Variants in SCN3A observed in about 807,000 individuals in gnomAD.
The protein encoded by SCN3A is sodium channel protein type 3 subunit alpha.
Under a neutral mutation model 187.6 loss-of-function variants are expected in SCN3A, and 60 were observed. The observed-to-expected ratio is 0.32, with a 90% confidence interval of 0.26 to 0.40. The LOEUF (loss-of-function observed/expected upper bound fraction) is 0.40, where lower values mean the gene tolerates loss of function less well. Among genes scored for constraint, SCN3A ranks in the 10% least tolerant of loss-of-function variants. The pLI is 1.00. For missense variants in SCN3A, 1,601 were observed against 2,428.2 expected (o/e 0.66, Z 7.16); for synonymous variants, 788 against 829.2 (o/e 0.95, Z 0.85).
At chr2:165,114,472 C>T (rs1398400297) in intron 19 of SCN3A, among the ~76,000 whole-genome samples, 1 of 152,212 alleles carries the variant, frequency 6.6e-6, no homozygotes, top group Non-Finnish European at 1.5e-5. Context: ...ACCTATGACT[C>T]AGCTCGTCAG....
Position 165,089,025 on chromosome 2 carries a change from T to C in SCN3A, c.*1125A>G, listed in dbSNP as rs1014919078. 2.0e-5 allele frequency: 3 copies of C among 152,538 alleles called. No homozygotes were observed. Among genetic ancestry groups the C allele is most frequent in the Non-Finnish European group, 2.9e-5 (2 of 67,984 alleles). 9.4% of individuals were successfully genotyped at this position (152,538 alleles called of 1,614,324 possible). ...TTCTTTAACCAAGACTTGTGAAGAATGGATTGAGTAAAATAGAGCAGCATA... is the reference window on the plus strand; with the variant it reads ...TTCTTTAACCAAGACTTGTGAAGAACGGATTGAGTAAAATAGAGCAGCATA... On this transcript the variant is annotated 3_prime_UTR_variant, in exon 28 of 28. Transcript: ENST00000283254.
Position 165,140,566 on chromosome 2 carries a change from A to G in SCN3A, c.2019+85T>C. 8.8e-7 allele frequency: 1 copy of G among 1,134,288 alleles called. No homozygotes were observed. Among genetic ancestry groups the G allele is most frequent in the East Asian group, 2.4e-5 (1 of 42,268 alleles). The allele number at this position is 1,134,288 out of a possible 1,614,324, so 70.3% of individuals were successfully genotyped here. On this transcript the variant is annotated intron_variant, in intron 13 of 27. Transcript: ENST00000283254. This position sits in a 1 kb window ranked among gnomAD's most constrained non-coding sequence, Gnocchi z 4.2. ...CCAACTTTCATTTTGAGGAAGCAGGACGGTATGACAGCCTAAACTGTCCAG... is the reference window on the plus strand; with the variant it reads ...CCAACTTTCATTTTGAGGAAGCAGGGCGGTATGACAGCCTAAACTGTCCAG...
At chr2:165,091,532 A>G (rs1427633047) in intron 27 of SCN3A, among the ~76,000 whole-genome samples, 187 bp from the exon 28 acceptor site, 1 of 152,220 alleles carries the variant, frequency 6.6e-6, no homozygotes, top group Non-Finnish European at 1.5e-5. Flanking sequence ...CTGTAATGTC[A>G]TAAACCAATA....
At chr2:165,093,308 A>G (rs1397115996) in intron 26 of SCN3A, 3 of 151,952 alleles carry the variant, frequency 2.0e-5, no homozygotes, top group Non-Finnish European at 2.9e-5. Flanking sequence ...ATTGAATTCT[A>G]CCTCTCTAGC....
In SCN3A at chr2:165,097,278, C is replaced by T. The variant is rs768382383; in HGVS notation, c.4213G>A (p.Ala1405Thr). 25 of 1,613,876 alleles carry T rather than the reference C, an allele frequency of 1.5e-5. No individual in the cohort carries two copies. The highest frequency in any genetic ancestry group is 4.5e-5 in the East Asian group (2 of 44,878). Residue 1405 changes from alanine (A) to threonine (T), a missense_variant, in exon 23 of 28, where the codon GCT (alanine) becomes ACT (threonine). Transcript: ENST00000283254. ...NVKVNFDNVG[A>T]GYLALLQVAT... ...ACTTGAAGCAGTGCAAGATAGCCAG[C>T]GCCAACATTATCAAAGTTTACTTTC...
At position 165,097,662 on chromosome 2, in the gene SCN3A, T is replaced by C. The variant is rs796773564; in HGVS notation, c.3967-138A>G. 16 of 1,103,972 alleles carry C rather than the reference T, an allele frequency of 1.4e-5. No homozygotes were observed. In the African/African-American group the frequency reaches 2.2e-4, roughly 15 times the overall value. The allele number at this position is 1,103,972 out of a possible 1,614,324, so 68.4% of individuals were successfully genotyped here. A position where few individuals can be genotyped will look rare whatever the true frequency, so the allele number is the denominator to read the frequency against. ...AGGTGGACAAGTTGTTTCTTCTAAT[T>C]TTTCTAGCACATATTTGAAGGAAAA... On this transcript the variant is annotated intron_variant, in intron 22 of 27. Coordinates refer to ENST00000283254, the MANE Select transcript of SCN3A (RefSeq NM_006922.4).
At chr2:165,122,666 C>T (rs1204265203) in intron 18 of SCN3A, 1 of 152,222 alleles carries the variant, frequency 6.6e-6, no homozygotes, top group Non-Finnish European at 1.5e-5. Flanking sequence ...CCTGACCATG[C>T]TGTGATGTGT....
Position 165,090,925 on chromosome 2 carries a change from T to A in SCN3A, c.5228A>T (p.Asn1743Ile). The change falls in exon 28 of 28, where the codon AAC becomes ATC. Residue 1743 changes from asparagine to isoleucine, a missense_variant. Asn to Ile is a moderately radical substitution (Grantham distance 149). Coordinates refer to ENST00000283254, the MANE Select transcript of SCN3A (RefSeq NM_006922.4). The surrounding 1 kb of genome is among the most constrained non-coding windows in gnomAD (Gnocchi z 4.0). The part of the protein sequence containing the change: ...PGSSVKGDCG[N>I]PSVGIFFFVS... ...AAAAAAGAAAATCCCAACAGATGGG[T>A]TCCCACAGTCTCCCTTAACTGAGCT... The A allele has an allele frequency of 6.2e-7, 1 of 1,613,906 alleles. No homozygotes were observed.
rs1265581458 is a variant in SCN3A, at chr2:165,184,800, T to C, written c.-51+1751A>G. On this transcript the variant is annotated intron_variant, in intron 2 of 27. Transcript: ENST00000283254. ...TGATAAATTAAAAACCTAGGCTAGC[T>C]TCTTCTATGTCAGGTACCTCTTGCT... 2.0e-5 allele frequency among the ~76,000 whole-genome samples: 3 copies of C among 152,212 alleles called. No individual in the cohort carries two copies. The East Asian group carries it at 5.8e-4, about 29-fold the overall frequency.
chr2:165,153,028 G>A lies in SCN3A; in HGVS notation c.1380+1424C>T, dbSNP rs551259608. On this transcript the variant is annotated intron_variant, in intron 11 of 27. Coordinates refer to ENST00000283254, the MANE Select transcript of SCN3A (RefSeq NM_006922.4). ...AAAAAAAAAAAGAACAAAAAGTTGG[G>A]GACCTGCACTATGTTATTTCAAGAC... Among the ~76,000 whole-genome samples, 5 of 150,750 alleles carry A rather than the reference G, an allele frequency of 3.3e-5. No homozygotes were observed. The East Asian group carries it at 7.8e-4, about 23-fold the overall frequency.
intron 18 of SCN3A, among the ~76,000 whole-genome samples, chr2:165,116,974 ATT>A (rs1202255385): frequency 8.5e-6 from 1 of 117,126 alleles, no homozygotes; most frequent in Non-Finnish European, 1.7e-5. Flanking sequence ...TTTACCATTA[ATT>A]TCCTCTACAT....
intron 1 of SCN3A, among the ~76,000 whole-genome samples, chr2:165,188,752 C>T (rs552855102): frequency 4.0e-5 from 6 of 148,242 alleles, no homozygotes; most frequent in Admixed American, 2.7e-4. Context: ...GCTGAGATCA[C>T]GCCACTGCAC....
rs1689459815 is a variant in SCN3A at position 165,162,384 on chromosome 2, A to T, written c.968-13T>A. 6.2e-7 allele frequency: 1 copy of T among 1,612,894 alleles called. No homozygotes were observed. The highest frequency in any genetic ancestry group is 8.5e-7 in the Non-Finnish European group (1 of 1,179,152). ...ACATAAAAGTGACCTGTTAATACAA[A>T]AAAAAACCCATTTTATTTCATATTA... On this transcript the variant is annotated splice_polypyrimidine_tract_variant and intron_variant, in intron 8 of 27. Coordinates refer to ENST00000283254, the MANE Select transcript of SCN3A (RefSeq NM_006922.4).
At chr2:165,153,020 A>G (rs976398299) in intron 11 of SCN3A, among the ~76,000 whole-genome samples, 7 of 151,876 alleles carry the variant, frequency 4.6e-5, no homozygotes, top group Non-Finnish European at 1.0e-4. Flanking sequence ...AAAAGAACAA[A>G]AAGTTGGGGA....
In SCN3A at chr2:165,100,291, ATTC is replaced by A. The variant is rs765610680; in HGVS notation, c.3966+8_3966+10del. 1.2e-5 allele frequency: 20 copies of A among 1,613,240 alleles called. 1 individual carries two copies. The Admixed American group carries it at 3.2e-4, about 26-fold the overall frequency. ...TTTGACATGAATAATTAGAGTGTCT[ATTC>A]TTCTTACCCTCATGCCTTCAAACCG... On this transcript the variant is annotated splice_region_variant and intron_variant, in intron 22 of 27. Coordinates refer to ENST00000283254, the MANE Select transcript of SCN3A (RefSeq NM_006922.4).
At chr2:165,106,339 A>G (rs1000438981) in intron 21 of SCN3A, among the ~76,000 whole-genome samples, 4 of 152,168 alleles carry the variant, frequency 2.6e-5, no homozygotes, top group African/African-American at 9.6e-5. Flanking sequence ...TATGTTCTTT[A>G]TGTTGAAAAA....
chr2:165,101,116 A>G lies in SCN3A; in HGVS notation c.3844-692T>C, dbSNP rs896781873. 2.6e-5 allele frequency among the ~76,000 whole-genome samples: 4 copies of G among 152,146 alleles called. No homozygotes were observed. The East Asian group carries it at 7.7e-4, about 29-fold the overall frequency. ...CTAATCTAAAAATCTGAAATCTAAA[A>G]CGCTTTGAATGCTAACATGACACTC... On this transcript the variant is annotated intron_variant, in intron 21 of 27. Coordinates refer to ENST00000283254, the MANE Select transcript of SCN3A (RefSeq NM_006922.4).
At position 165,089,418 on chromosome 2, in the gene SCN3A, C is replaced by A. The variant is rs994823958; in HGVS notation, c.*732G>T. Reference sequence around the variant, plus strand: ...TTTGACCTAAATTAAATATAGAGCTCTGAAACTTAGAATAAAATTTGCACT... The same window carrying A: ...TTTGACCTAAATTAAATATAGAGCTATGAAACTTAGAATAAAATTTGCACT... On this transcript the variant is annotated 3_prime_UTR_variant, in exon 28 of 28. Transcript: ENST00000283254. 1 of 152,518 alleles carries A rather than the reference C, an allele frequency of 6.6e-6. No individual in the cohort carries two copies. The highest frequency in any genetic ancestry group is 1.5e-5 in the Non-Finnish European group (1 of 67,986). The allele number at this position is 152,518 out of a possible 1,614,324, so 9.4% of individuals were successfully genotyped here.
chr2:165,116,208 G>T (rs1022347534), intron 18 of SCN3A, among the ~76,000 whole-genome samples: 1 of 152,050 alleles, frequency 6.6e-6, no homozygotes, highest in African/African-American at 2.4e-5. Flanking sequence ...CTGCATAACT[G>T]AATTCAATAC....
Sources: gnomAD v4.1 joint callset for allele counts (sites outside exome capture counted in the v4.1 genomes callset) on GRCh38, gnomAD v4.1.1 for gene constraint, Gnocchi (gnomAD v3.1) non-coding constraint, MANE v1.5 for transcripts, NCBI Gene and HGNC (gene_info 2026-07-23, HGNC 2026-07-21) for gene names.